The following GRIK3 variants were observed in gnomAD, a reference collection of about 807,000 sequenced individuals.
GRIK3 encodes glutamate ionotropic receptor kainate type subunit 3.
Under a neutral mutation model 102.5 loss-of-function variants are expected in GRIK3, and 29 were observed. That is an observed-to-expected ratio of 0.28 (90% CI 0.21 to 0.39). The LOEUF is 0.39. Among genes scored for constraint, GRIK3 ranks in the 10% least tolerant of loss-of-function variants. The pLI, the probability that GRIK3 is intolerant of heterozygous loss-of-function variation, is 1.00. For synonymous variants in GRIK3, 511 were observed against 504.9 expected (o/e 1.01, Z -0.16); for missense variants, 908 against 1,252.4 (o/e 0.73, Z 4.15).
chr1:36,803,589 C>A (rs968454409), intron 15 of GRIK3, among the ~76,000 whole-genome samples: 4 of 152,076 alleles, frequency 2.6e-5, no homozygotes, highest in Non-Finnish European at 4.4e-5. Flanking sequence ...AGCCACCACG[C>A]CCAGCTAATT....
chr1:36,994,499 G>A (rs1405006255), intron 1 of GRIK3, among the ~76,000 whole-genome samples: 1 of 152,180 alleles, frequency 6.6e-6, no homozygotes, highest in Admixed American at 6.5e-5. Context: ...ATCTCATAGG[G>A]TTGTTGTGAG....
At chr1:36,983,693 A>T (rs1317688496) in intron 1 of GRIK3, among the ~76,000 whole-genome samples, 1 of 152,032 alleles carries the variant, frequency 6.6e-6, no homozygotes, top group Non-Finnish European at 1.5e-5. Flanking sequence ...ATGGGGGGAA[A>T]CCTTCAAAAC....
At chr1:36,957,543 G>C (rs1414880140) in intron 1 of GRIK3, among the ~76,000 whole-genome samples, 90 of 17,912 alleles carry the variant, frequency 5.0e-3, no homozygotes, top group South Asian at 0.01. Context: ...CCCGTGTCCT[G>C]TGCCCCGTGA....
At chr1:36,847,014 A>G (rs1310283201) in intron 9 of GRIK3, among the ~76,000 whole-genome samples, 1 of 152,144 alleles carries the variant, frequency 6.6e-6, no homozygotes, top group Non-Finnish European at 1.5e-5. Context: ...ACTGCCCCAT[A>G]GGGGGAAGCA....
At chr1:36,912,350 T>C (rs1641355443) in intron 1 of GRIK3, among the ~76,000 whole-genome samples, 1 of 152,108 alleles carries the variant, frequency 6.6e-6, no homozygotes. Flanking sequence ...ACGTCCAGCT[T>C]CCTCGCCCCT....
rs151305749 is a variant in GRIK3 at position 36,856,193 on chromosome 1, C to T, written c.1105-2471G>A. 5.1e-4 allele frequency among the ~76,000 whole-genome samples: 78 copies of T among 152,372 alleles called. No homozygotes were observed. In the East Asian group the frequency reaches 6.4e-3, roughly 12 times the overall value. On this transcript the variant is annotated intron_variant, in intron 7 of 15. Transcript: ENST00000373091. ...CGCCTTCTCTCCTCTGTTGGCCTCA[C>T]GCCTTCAGGCTATCTCTTGGCCCCC...
chr1:36,910,894 G>T (rs112934471), intron 1 of GRIK3, among the ~76,000 whole-genome samples: 79 of 152,168 alleles, frequency 5.2e-4, no homozygotes, highest in African/African-American at 1.5e-3. Flanking sequence ...GGAGGTGAGT[G>T]GGGGGGCATA....
intron 1 of GRIK3, among the ~76,000 whole-genome samples, chr1:36,938,377 C>T (rs549971508): frequency 6.6e-6 from 1 of 152,266 alleles, no homozygotes; most frequent in Admixed American, 6.5e-5. Flanking sequence ...CCTCTGAAAC[C>T]CAAAGTTGAA....
Position 36,995,536 on chromosome 1 carries a change from T to C in GRIK3, c.115+38458A>G, listed in dbSNP as rs146226617. The stretch of plus-strand genomic sequence containing the variant: ...AGCATTTGAAACTCCTGGGGAATGA[T>C]GTCTTCCAGGAATCACATCACTTCT... On this transcript the variant is annotated intron_variant, in intron 1 of 15. Coordinates refer to ENST00000373091, the MANE Select transcript of GRIK3 (RefSeq NM_000831.4). 4.5e-4 allele frequency among the ~76,000 whole-genome samples: 69 copies of C among 152,360 alleles called. 1 individual carries two copies. The highest frequency in any genetic ancestry group is 5.8e-4 in the East Asian group (3 of 5,188).
chr1:36,884,429 G>A (rs183253221), intron 2 of GRIK3, among the ~76,000 whole-genome samples: 19 of 152,264 alleles, frequency 1.2e-4, no homozygotes, highest in South Asian at 2.1e-4. Flanking sequence ...TTCTTCTGCC[G>A]TCTGGGGGTG....
At chr1:37,030,764 C>T (rs999813092) in intron 1 of GRIK3, among the ~76,000 whole-genome samples, 7 of 152,072 alleles carry the variant, frequency 4.6e-5, no homozygotes, top group Non-Finnish European at 7.4e-5. Context: ...AGAGAACTAA[C>T]CATGAAACCT....
chr1:36,957,689 CCA>C (rs1250239930), intron 1 of GRIK3, among the ~76,000 whole-genome samples: 2 of 146,474 alleles, frequency 1.4e-5, no homozygotes, highest in South Asian at 2.2e-4. Flanking sequence ...ACTCTGTGCC[CCA>C]TGAGCCTGTG....
rs116239152 is a variant in GRIK3, at chr1:36,846,639, C to T, written c.1326+3672G>A. ...AGGTGCTGGCCCTACATTCAGGCTGCGAAGCATGGGGTTGGATTTTCAGCC... is the reference window on the plus strand; with the variant it reads ...AGGTGCTGGCCCTACATTCAGGCTGTGAAGCATGGGGTTGGATTTTCAGCC... On this transcript the variant is annotated intron_variant, in intron 9 of 15. Coordinates refer to ENST00000373091, the MANE Select transcript of GRIK3 (RefSeq NM_000831.4). Among the ~76,000 whole-genome samples, 1,408 of 152,222 alleles carry T rather than the reference C, an allele frequency of 9.2e-3. 20 individuals are homozygous for T. Among genetic ancestry groups the T allele is most frequent in the African/African-American group, 0.032 (1,315 of 41,534 alleles).
At chr1:36,957,278 G>GTGAGTCTGTGTGCCCCA (rs1465486426) in intron 1 of GRIK3, among the ~76,000 whole-genome samples, 273 of 82,198 alleles carry the variant, frequency 3.3e-3, no homozygotes, top group African/African-American at 0.016. Flanking sequence ...TACCTGTTCT[G>GTGAGTCTGTGTGCCCCA]TGAGTCTGTG....
chr1:36,872,321 A>G lies in GRIK3; in HGVS notation c.599T>C (p.Ile200Thr), dbSNP rs1299366567. ...GGGGAGCTGACGGATCTTCAGGCGGATGTTGTATCTTGATGGGGCCATGAT... is the reference window on the plus strand; with the variant it reads ...GGGGAGCTGACGGATCTTCAGGCGGGTGTTGTATCTTGATGGGGCCATGAT... ...ELIMAPSRYN[I>T]RLKIRQLPID... Residue 200 changes from isoleucine to threonine, a missense_variant, in exon 4 of 16, where the codon ATC becomes ACC. Ile to Thr is a moderately conservative substitution (Grantham distance 89). This residue lies in a region of GRIK3 where 585 missense variants were observed against 824.9 expected (regional missense o/e 0.71). Transcript: ENST00000373091. This position sits in a 1 kb window ranked among gnomAD's most constrained non-coding sequence, Gnocchi z 5.9. 1 of 1,612,188 alleles carries G rather than the reference A, an allele frequency of 6.2e-7. No individual in the cohort carries two copies. Among genetic ancestry groups the G allele is most frequent in the Admixed American group, 1.7e-5 (1 of 59,744 alleles).
At chr1:36,926,315 T>C (rs1641526745) in intron 1 of GRIK3, among the ~76,000 whole-genome samples, 1 of 151,968 alleles carries the variant, frequency 6.6e-6, no homozygotes, top group Admixed American at 6.5e-5. Context: ...AGGCTTCAGG[T>C]GAGCTTCACA....
intron 1 of GRIK3, among the ~76,000 whole-genome samples, chr1:36,962,883 CAAAA>C (rs57315084): frequency 5.4e-5 from 4 of 74,138 alleles, no homozygotes; most frequent in Admixed American, 1.6e-4. Flanking sequence ...GACTCCCTCT[CAAAA>C]AAAAAAAAAA....
chr1:36,891,318 A>G (rs1015839444), intron 1 of GRIK3, among the ~76,000 whole-genome samples: 1 of 152,246 alleles, frequency 6.6e-6, no homozygotes, highest in African/African-American at 2.4e-5. Context: ...ACAGAGCCCG[A>G]CAGGGCCAAA....
intron 1 of GRIK3, among the ~76,000 whole-genome samples, chr1:37,005,170 T>A (rs952927695): frequency 6.6e-6 from 1 of 152,228 alleles, no homozygotes; most frequent in African/African-American, 2.4e-5. Flanking sequence ...CCCCATGCTT[T>A]GCCTCCCTGA....
Sources: gnomAD v4.1 joint callset for allele counts (sites outside exome capture counted in the v4.1 genomes callset) on GRCh38, gnomAD v4.1.1 for gene constraint, gnomAD v4.1.1 regional missense constraint, Gnocchi (gnomAD v3.1) non-coding constraint, MANE v1.5 for transcripts, NCBI Gene and HGNC (gene_info 2026-07-23, HGNC 2026-07-21) for gene names.